Variants in CUX1 observed in about 807,000 individuals in gnomAD.
CUX1 encodes the protein protein CASP.
CUX1 carries 31 observed loss-of-function variants against 158.8 expected under a neutral mutation model. The ratio of observed to expected loss-of-function variants is 0.20; its 90% CI spans 0.15 to 0.26. The LOEUF is 0.26. Among genes scored for constraint, CUX1 ranks in the 10% least tolerant of loss-of-function variants. The pLI is 1.00. For missense variants in CUX1, 1,589 were observed against 2,014.6 expected (o/e 0.79, Z 4.04); for synonymous variants, 879 against 862.1 (o/e 1.02, Z -0.34).
intron 1 of CUX1, among the ~76,000 whole-genome samples, chr7:101,909,272 G>A (rs1803134910): frequency 6.6e-6 from 1 of 151,590 alleles, no homozygotes; most frequent in Non-Finnish European, 1.5e-5. Flanking sequence ...GGCCGAGGCG[G>A]GAGGATCTCT....
chr7:102,059,405 G>A lies in CUX1; in HGVS notation c.190-10934G>A, dbSNP rs868091073. Among the ~76,000 whole-genome samples the A allele has an allele frequency of 4.6e-5, 7 of 152,160 alleles. No individual in the cohort carries two copies. In the South Asian group the frequency reaches 8.3e-4, roughly 18 times the overall value. ...TCCCAGCACTTTGGGAGGCCAAGGC[G>A]GGTGGATCACTTGAGGTCAGGAGTT... On this transcript the variant is annotated intron_variant, in intron 3 of 23. Transcript: ENST00000292535.
chr7:102,228,182 C>G (rs1195123824), intron 21 of CUX1, among the ~76,000 whole-genome samples: 6 of 151,720 alleles, frequency 4.0e-5, no homozygotes, highest in Non-Finnish European at 8.8e-5. Context: ...AACTCTTGGC[C>G]TCAAGCAATC....
intron 6 of CUX1, among the ~76,000 whole-genome samples, chr7:102,107,028 G>A (rs1029520762): frequency 2.6e-5 from 4 of 152,062 alleles, no homozygotes; most frequent in East Asian, 1.9e-4. Flanking sequence ...AGGAGTTCGA[G>A]ACCAGCCTGG....
chr7:102,201,598 C>T lies in CUX1; in HGVS notation c.2301C>T (p.Pro767=). The T allele has an allele frequency of 6.2e-7, 1 of 1,614,104 alleles. No individual in the cohort carries two copies. Among genetic ancestry groups the T allele is most frequent in the African/African-American group, 1.3e-5 (1 of 75,054 alleles). The part of the protein sequence containing the change: ...YPPLAISLKK[P]SAAPEAGASA... ...CTCTCGCCATCTCCCTGAAGAAGCC[C>T]TCCGCAGCTCCTGAGGCCGGTGCCT... Residue 767 remains proline, a synonymous_variant, in exon 18 of 24, where the codon CCC becomes CCT. Coordinates refer to ENST00000292535, the MANE Select transcript of CUX1 (RefSeq NM_181552.4). This position sits in a 1 kb window ranked among gnomAD's most constrained non-coding sequence, Gnocchi z 5.0.
At chr7:101,989,592 G>A (rs1444089305) in intron 2 of CUX1, among the ~76,000 whole-genome samples, 1 of 152,222 alleles carries the variant, frequency 6.6e-6, no homozygotes, top group Non-Finnish European at 1.5e-5. Flanking sequence ...AAGACACCAT[G>A]GAGGTGGAGA....
intron 18 of CUX1, chr7:102,279,903 G>A (rs917898773): frequency 4.9e-5 from 32 of 651,884 alleles, no homozygotes; most frequent in African/African-American, 3.1e-4. Flanking sequence ...CTCTCCTCCC[G>A]CCTCTGAGAT....
intron 12 of CUX1, among the ~76,000 whole-genome samples, 166 bp downstream of exon 12, chr7:102,190,037 C>T (rs1222245648): frequency 6.6e-6 from 1 of 152,276 alleles, no homozygotes; most frequent in Admixed American, 6.5e-5. Context: ...CTGGGCTACC[C>T]ACCACTGTGG....
chr7:102,035,672 T>C (rs1215797852), intron 3 of CUX1, among the ~76,000 whole-genome samples: 2 of 72,766 alleles, frequency 2.7e-5, no homozygotes, highest in Non-Finnish European at 5.7e-5. Context: ...AAAAAAAAAC[T>C]ATAGCTAGAA....
At chr7:101,864,622 C>G (rs1007689794) in intron 1 of CUX1, among the ~76,000 whole-genome samples, 1 of 152,170 alleles carries the variant, frequency 6.6e-6, no homozygotes, top group Non-Finnish European at 1.5e-5. Flanking sequence ...GCTATCTTGG[C>G]TCACTGCAAC....
At chr7:102,219,471 C>G (rs558041000) in intron 20 of CUX1, among the ~76,000 whole-genome samples, 1 of 152,284 alleles carries the variant, frequency 6.6e-6, no homozygotes, top group African/African-American at 2.4e-5. Context: ...AAGGGATGTG[C>G]CCAAAGCTTG....
At chr7:101,936,429 G>A (rs1173087751) in intron 2 of CUX1, among the ~76,000 whole-genome samples, 1 of 152,194 alleles carries the variant, frequency 6.6e-6, no homozygotes, top group Non-Finnish European at 1.5e-5. Flanking sequence ...TTTGGGAGGA[G>A]ATGGGATCCG....
rs60706791 is a variant in CUX1, at chr7:102,221,737, TAAAA to T, written c.3131-5609_3131-5606del. Among the ~76,000 whole-genome samples the T allele has an allele frequency of 7.0e-3, 933 of 134,000 alleles. 6 individuals are homozygous for T. Among genetic ancestry groups the T allele is most frequent in the African/African-American group, 0.014 (479 of 34,550 alleles). The allele number at this position is 134,000 out of a possible 152,430, so 87.9% of individuals were successfully genotyped here. A position where few individuals can be genotyped will look rare whatever the true frequency, so the allele number is the denominator to read the frequency against. On this transcript the variant is annotated intron_variant, in intron 20 of 23. Coordinates refer to ENST00000292535, the MANE Select transcript of CUX1 (RefSeq NM_181552.4). Reference sequence around the variant, plus strand: ...CTCTTATGCCAGATTCAGTGCCTTGTAAAAAAAAAAAAAAAAAAAAAAAATTAAT... The same window carrying T: ...CTCTTATGCCAGATTCAGTGCCTTGTAAAAAAAAAAAAAAAAAAAATTAAT...
chr7:102,101,700 A>G (rs528819257), intron 5 of CUX1, among the ~76,000 whole-genome samples: 2 of 152,246 alleles, frequency 1.3e-5, no homozygotes, highest in African/African-American at 4.8e-5. Flanking sequence ...ATTTGAGGTC[A>G]GGAGTTCGAG....
chr7:102,230,235 G>A (rs448665), intron 21 of CUX1, among the ~76,000 whole-genome samples: 75,817 of 151,700 alleles, frequency 0.5, 20,640 homozygotes, highest in East Asian at 0.92. Context: ...TAGCACTTTG[G>A]GAGGCTGAGG....
chr7:101,828,062 G>A (rs573125864), intron 1 of CUX1, among the ~76,000 whole-genome samples: 2 of 145,292 alleles, frequency 1.4e-5, no homozygotes, highest in East Asian at 2.0e-4. Context: ...TGCAACCTTC[G>A]CCTCCCAGGT....
chr7:101,965,717 C>T lies in CUX1; in HGVS notation c.141+49492C>T, dbSNP rs1811104347. 2.0e-5 allele frequency among the ~76,000 whole-genome samples: 3 copies of T among 151,604 alleles called. No individual in the cohort carries two copies. In the South Asian group the frequency reaches 6.3e-4, roughly 32 times the overall value. ...AAAAAAAATTAGCGGGGCGTGGTGG[C>T]AGGCGCCTGTAGTCCCAGCTACTCG... is the stretch of plus-strand genomic sequence containing the variant. On this transcript the variant is annotated intron_variant, in intron 2 of 23. Transcript: ENST00000292535.
rs1193952295 is a variant in CUX1 at position 101,895,902 on chromosome 7, G to GTTT, written c.31-20210_31-20208dup. 6.8e-3 allele frequency among the ~76,000 whole-genome samples: 275 copies of GTTT among 40,302 alleles called. 7 individuals are homozygous for GTTT. Among genetic ancestry groups the GTTT allele is most frequent in the African/African-American group, 0.029 (230 of 7,802 alleles). 26.4% of individuals were successfully genotyped at this position (40,302 alleles called of 152,430 possible). On this transcript the variant is annotated intron_variant, in intron 1 of 23. Transcript: ENST00000292535. ...GTATCACCTGTAAAGTTTTTTTTTT[G>GTTT]TTTTTGTTTTTTTTTTTTTTTTTTG...
Position 102,255,738 on chromosome 7 carries a change from A to G in CUX1, c.*6696A>G, listed in dbSNP as rs1789822671. On this transcript the variant is annotated 3_prime_UTR_variant, in exon 24 of 24. Transcript: ENST00000292535. Reference sequence around the variant, plus strand: ...AAGCATTGGGACTTCTGCTGGTGAAACAAGAGACCATTCAGCAAGACACAT... The same window carrying G: ...AAGCATTGGGACTTCTGCTGGTGAAGCAAGAGACCATTCAGCAAGACACAT... 1 of 985,284 alleles carries G rather than the reference A, an allele frequency of 1.0e-6. No individual in the cohort carries two copies. The highest frequency in any genetic ancestry group is 4.7e-5 in the South Asian group (1 of 21,288). The allele number at this position is 985,284 out of a possible 1,614,324, so 61.0% of individuals were successfully genotyped here.
chr7:101,898,585 CTTTTTTT>C (rs67714464), intron 1 of CUX1, among the ~76,000 whole-genome samples: 5 of 115,456 alleles, frequency 4.3e-5, no homozygotes, highest in African/African-American at 6.6e-5. Context: ...ATTTCTGTGT[CTTTTTTT>C]TTTTTTTTTT....
Sources: gnomAD v4.1 joint callset for allele counts (sites outside exome capture counted in the v4.1 genomes callset) on GRCh38, gnomAD v4.1.1 for gene constraint, Gnocchi (gnomAD v3.1) non-coding constraint, MANE v1.5 for transcripts, NCBI Gene and HGNC (gene_info 2026-07-23, HGNC 2026-07-21) for gene names.